RAI1: variants seen among roughly 807,000 people sequenced by gnomAD.
RAI1 encodes the protein retinoic acid-induced protein 1.
In RAI1, 9 loss-of-function variants were observed where a neutral mutation model predicts 123.8. That is an observed-to-expected ratio of 0.07 (90% CI 0.04 to 0.13). The LOEUF (loss-of-function observed/expected upper bound fraction) is 0.13, where lower values mean the gene tolerates loss of function less well. Among genes scored for constraint, RAI1 ranks in the 10% least tolerant of loss-of-function variants. RAI1 has a pLI of 1.00. For synonymous variants in RAI1, 1,231 were observed against 1,127.3 expected (o/e 1.09, Z -1.84); for missense variants, 2,256 against 2,545.8 (o/e 0.89, Z 2.45).
chr17:17,698,777 G>A (rs1915118525), intron 1 of RAI1, among the ~76,000 whole-genome samples: 1 of 151,264 alleles, frequency 6.6e-6, no homozygotes, highest in South Asian at 2.1e-4. Context: ...CTGTGACTCT[G>A]TAGTAATAAT....
intron 2 of RAI1, among the ~76,000 whole-genome samples, chr17:17,724,967 A>G (rs968295123): frequency 6.7e-6 from 1 of 149,218 alleles, no homozygotes; most frequent in Non-Finnish European, 1.5e-5. Flanking sequence ...TCGAGTGGCC[A>G]GGCTGACAAT....
rs781588104 is a variant in RAI1, at chr17:17,799,293, C to T, written c.5565+780C>T. 3.3e-5 allele frequency among the ~76,000 whole-genome samples: 5 copies of T among 152,188 alleles called. No homozygotes were observed. Among genetic ancestry groups the T allele is most frequent in the African/African-American group, 4.8e-5 (2 of 41,442 alleles). ...CGGGAGGGTTAAAAGGTGGGCACCT[C>T]TGAGCCCACCGAGCACAGCAGCCCT... On this transcript the variant is annotated intron_variant, in intron 3 of 5. Transcript: ENST00000353383. This position sits in a 1 kb window ranked among gnomAD's most constrained non-coding sequence, Gnocchi z 4.5.
intron 2 of RAI1, among the ~76,000 whole-genome samples, chr17:17,744,220 G>C (rs1916735532): frequency 1.3e-5 from 2 of 152,132 alleles, no homozygotes; most frequent in South Asian, 4.1e-4. Flanking sequence ...GGGAGGCCAG[G>C]GGGTAGCATG....
Position 17,809,975 on chromosome 17 carries a change from G to A in RAI1, c.5715G>A (p.Leu1905=). Residue 1905 remains leucine (L), a synonymous_variant, in exon 6 of 6, where the codon CTG becomes CTA. Transcript: ENST00000353383. The surrounding 1 kb of genome is among the most constrained non-coding windows in gnomAD (Gnocchi z 4.9). The part of the protein sequence containing the change: ...FSLKCPKHKR[L]P ...CGGGCGGGCGTCTTTTGCAGAGGCT[G>A]CCGTAGTAATCCACCCCAACGGCCG... is the stretch of plus-strand genomic sequence containing the variant. 1.1e-5 allele frequency: 17 copies of A among 1,553,162 alleles called. No individual in the cohort carries two copies. Among genetic ancestry groups the A allele is most frequent in the Non-Finnish European group, 1.5e-5 (17 of 1,150,100 alleles).
At position 17,792,177 on chromosome 17, in the gene RAI1, C is replaced by T. The variant is rs142219799; in HGVS notation, c.-16-756C>T. The stretch of plus-strand genomic sequence containing the variant: ...TATCAAAAACAGGAGGCAGGTGCTG[C>T]CGTCTTGCGTTCCTGGGAGTCAGAG... On this transcript the variant is annotated intron_variant, in intron 2 of 5. Coordinates refer to ENST00000353383, the MANE Select transcript of RAI1 (RefSeq NM_030665.4). Among the ~76,000 whole-genome samples the T allele has an allele frequency of 3.4e-3, 521 of 152,338 alleles. 1 individual carries two copies. Among genetic ancestry groups the T allele is most frequent in the Non-Finnish European group, 6.0e-3 (409 of 68,036 alleles).
intron 2 of RAI1, chr17:17,778,916 G>A (rs2031455354): frequency 4.4e-6 from 2 of 457,020 alleles, no homozygotes; most frequent in Non-Finnish European, 8.8e-6. Flanking sequence ...AGGCCTGAGG[G>A]GGCTGGGGCG....
In RAI1 at chr17:17,800,383, C is replaced by T. The variant is rs1567932863; in HGVS notation, c.5565+1870C>T. ...CTTGTCCCCACGGCATCCTCGGTCC[C>T]GCAGCCTCACCAGGGGCTCCCCGAC... On this transcript the variant is annotated intron_variant, in intron 3 of 5. Transcript: ENST00000353383. The surrounding 1 kb of genome is among the most constrained non-coding windows in gnomAD (Gnocchi z 4.7). 2.0e-5 allele frequency among the ~76,000 whole-genome samples: 3 copies of T among 152,312 alleles called. No homozygotes were observed. The highest frequency in any genetic ancestry group is 3.9e-4 in the East Asian group (2 of 5,176).
intron 1 of RAI1, among the ~76,000 whole-genome samples, chr17:17,711,276 C>T (rs199828798): frequency 6.6e-6 from 1 of 152,194 alleles, no homozygotes; most frequent in East Asian, 1.9e-4. Context: ...GCCGCAGCAC[C>T]CCTGGAGCAC....
rs749428152 is a variant in RAI1 at position 17,793,069 on chromosome 17, G to T, written c.121G>T (p.Asp41Tyr). The T allele has an allele frequency of 1.2e-6, 2 of 1,614,008 alleles. No individual in the cohort carries two copies. The highest frequency in any genetic ancestry group is 1.7e-6 in the Non-Finnish European group (2 of 1,180,012). The change falls in exon 3 of 6, where the codon GAC (aspartate) becomes TAC (tyrosine). Residue 41 changes from aspartate to tyrosine, a missense_variant. Asp to Tyr is a radical substitution (Grantham distance 160). Around this residue, in one of 7 missense-constraint regions of RAI1, gnomAD observed 336 missense variants for 349.8 expected, o/e 0.96. Transcript: ENST00000353383. Reference protein sequence around the residue: ...RQPSQAGLSCDRQRLLAKDYY... With the variant: ...RQPSQAGLSCYRQRLLAKDYY... Reference sequence around the variant, plus strand: ...GCCGAGTCAGGCCGGGCTAAGCTGCGACCGGCAGCGGCTGCTCGCCAAGGA... The same window carrying T: ...GCCGAGTCAGGCCGGGCTAAGCTGCTACCGGCAGCGGCTGCTCGCCAAGGA...
In RAI1 at chr17:17,714,577, G is replaced by A. The variant is rs1019261921; in HGVS notation, c.-148-9451G>A. ...TTTCTATTTATCACCAGCAAATCCC[G>A]GGCCCTGCTGTTCTTCCCCATTTTA... On this transcript the variant is annotated intron_variant, in intron 1 of 5. Transcript: ENST00000353383. The surrounding 1 kb of genome is among the most constrained non-coding windows in gnomAD (Gnocchi z 4.9). Among the ~76,000 whole-genome samples, 1 of 152,098 alleles carries A rather than the reference G, an allele frequency of 6.6e-6. No individual in the cohort carries two copies. The highest frequency in any genetic ancestry group is 1.5e-5 in the Non-Finnish European group (1 of 68,014).
At chr17:17,805,622 C>T (rs553104625) in intron 4 of RAI1, among the ~76,000 whole-genome samples, 101 of 152,342 alleles carry the variant, frequency 6.6e-4, no homozygotes, top group African/African-American at 2.3e-3. Flanking sequence ...AGTGTCAGCC[C>T]AGCCAAGCTG....
chr17:17,810,936 T>C lies in RAI1; in HGVS notation c.*955T>C. 2.8e-6 allele frequency: 1 copy of C among 351,216 alleles called. No individual in the cohort carries two copies. The allele number at this position is 351,216 out of a possible 1,614,324, so 21.8% of individuals were successfully genotyped here. On this transcript the variant is annotated 3_prime_UTR_variant, in exon 6 of 6. Transcript: ENST00000353383. This position sits in a 1 kb window ranked among gnomAD's most constrained non-coding sequence, Gnocchi z 4.6. ...ATATATATGTTACATAGAATGTATA[T>C]ATGTTGGGAACATGCTCGCTTCTCC...
At chr17:17,754,370 G>A (rs932793025) in intron 2 of RAI1, among the ~76,000 whole-genome samples, 12 of 152,004 alleles carry the variant, frequency 7.9e-5, no homozygotes, top group African/African-American at 2.9e-4. Context: ...CCGAGTAGCT[G>A]GGATTACAGG....
At chr17:17,802,786 G>A (rs1460173865) in intron 3 of RAI1, among the ~76,000 whole-genome samples, 1 of 151,272 alleles carries the variant, frequency 6.6e-6, no homozygotes, top group Non-Finnish European at 1.5e-5. Flanking sequence ...AAAAGCAAAA[G>A]AAAAAAGAGC....
chr17:17,739,432 G>A (rs189252898), intron 2 of RAI1, among the ~76,000 whole-genome samples: 46 of 152,336 alleles, frequency 3.0e-4, no homozygotes, highest in African/African-American at 1.1e-3. Flanking sequence ...CTGACCAGGA[G>A]GGAGAGAAAG....
chr17:17,741,983 T>C (rs1916651805), intron 2 of RAI1, among the ~76,000 whole-genome samples: 1 of 152,254 alleles, frequency 6.6e-6, no homozygotes, highest in Non-Finnish European at 1.5e-5. Context: ...CTTTTGGCTT[T>C]TGGCAAGCTG....
chr17:17,734,285 T>C (rs1916355144), intron 2 of RAI1, among the ~76,000 whole-genome samples: 1 of 152,038 alleles, frequency 6.6e-6, no homozygotes, highest in Admixed American at 6.6e-5. Flanking sequence ...TACAATTTTT[T>C]TTTTTTAATT....
intron 1 of RAI1, among the ~76,000 whole-genome samples, chr17:17,708,577 G>T (rs1408386130): frequency 3.9e-5 from 6 of 152,084 alleles, no homozygotes; most frequent in Admixed American, 3.9e-4. Context: ...CCTGGCTAGG[G>T]ACTCCATTCT....
rs2032451403 is a variant in RAI1 at position 17,801,203 on chromosome 17, C to A, written c.5566-2553C>A. Among the ~76,000 whole-genome samples the A allele has an allele frequency of 6.6e-6, 1 of 152,186 alleles. No individual in the cohort carries two copies. Among genetic ancestry groups the A allele is most frequent in the Non-Finnish European group, 1.5e-5 (1 of 68,024 alleles). Reference sequence around the variant, plus strand: ...CTTCCCCCAAAGCCATCATAGACCCCTACCTCCTATCCAGATGGAGCCTGG... The same window carrying A: ...CTTCCCCCAAAGCCATCATAGACCCATACCTCCTATCCAGATGGAGCCTGG... On this transcript the variant is annotated intron_variant, in intron 3 of 5. Coordinates refer to ENST00000353383, the MANE Select transcript of RAI1 (RefSeq NM_030665.4). This position sits in a 1 kb window ranked among gnomAD's most constrained non-coding sequence, Gnocchi z 4.1.
Sources: gnomAD v4.1 joint callset for allele counts (sites outside exome capture counted in the v4.1 genomes callset) on GRCh38, gnomAD v4.1.1 for gene constraint, gnomAD v4.1.1 regional missense constraint, Gnocchi (gnomAD v3.1) non-coding constraint, MANE v1.5 for transcripts, NCBI Gene and HGNC (gene_info 2026-07-23, HGNC 2026-07-21) for gene names.